The following MIR2052HG variants were observed in gnomAD, a reference collection of about 807,000 sequenced individuals.
MIR2052HG encodes MIR2052 host gene.
intron 5 of MIR2052HG, among the ~76,000 whole-genome samples, chr8:74,754,998 G>A (rs943754718): frequency 6.6e-6 from 1 of 152,074 alleles, no homozygotes; most frequent in Non-Finnish European, 1.5e-5. Context: ...TTCCACTTTT[G>A]GAGACAACTA....
chr8:74,674,911 A>G (rs961630487), intron 2 of MIR2052HG, among the ~76,000 whole-genome samples: 2 of 151,902 alleles, frequency 1.3e-5, no homozygotes, highest in Admixed American at 6.6e-5. Context: ...GGAACCTGTT[A>G]ATCATTTGTT....
chr8:74,753,805 C>G (rs906988461), intron 5 of MIR2052HG, among the ~76,000 whole-genome samples: 4 of 152,176 alleles, frequency 2.6e-5, no homozygotes, highest in Non-Finnish European at 4.4e-5. Context: ...CACCTCTTGT[C>G]TATTGACATA....
At chr8:74,735,005 A>G (rs1809731803) in intron 4 of MIR2052HG, among the ~76,000 whole-genome samples, 1 of 152,196 alleles carries the variant, frequency 6.6e-6, no homozygotes, top group Non-Finnish European at 1.5e-5. Flanking sequence ...AGAGGACCAT[A>G]AAGCCATTTG....
chr8:74,689,861 G>C (rs1474110344), intron 2 of MIR2052HG, among the ~76,000 whole-genome samples: 1 of 152,200 alleles, frequency 6.6e-6, no homozygotes, highest in African/African-American at 2.4e-5. Context: ...TCTGGGGATA[G>C]AGACATGAAG....
At chr8:74,697,792 A>G (rs960396712) in intron 2 of MIR2052HG, among the ~76,000 whole-genome samples, 1 of 152,082 alleles carries the variant, frequency 6.6e-6, no homozygotes, top group Admixed American at 6.6e-5. Context: ...GACTATACCT[A>G]ATCAAGGAGG....
At chr8:74,681,264 T>C (rs2128739076) in intron 2 of MIR2052HG, among the ~76,000 whole-genome samples, 1 of 152,188 alleles carries the variant, frequency 6.6e-6, no homozygotes, top group East Asian at 1.9e-4. Context: ...TTCTGCAAAT[T>C]GATCTTTAAA....
intron 1 of MIR2052HG, among the ~76,000 whole-genome samples, chr8:74,604,873 C>T (rs1808089272): frequency 6.6e-6 from 1 of 152,234 alleles, no homozygotes; most frequent in African/African-American, 2.4e-5. Flanking sequence ...GGATTACAGG[C>T]GTGAGCCACC....
intron 5 of MIR2052HG, among the ~76,000 whole-genome samples, chr8:74,753,108 G>A (rs760698906): frequency 2.0e-5 from 3 of 152,164 alleles, no homozygotes; most frequent in Non-Finnish European, 4.4e-5. Context: ...AGTTTACTAG[G>A]TTAGCTCTAC....
intron 4 of MIR2052HG, among the ~76,000 whole-genome samples, chr8:74,718,246 C>T (rs1215966767): frequency 1.3e-5 from 2 of 151,732 alleles, no homozygotes; most frequent in Non-Finnish European, 3.0e-5. Context: ...TTTAAGGAAA[C>T]ATATTAGTAA....
At chr8:74,643,864 A>G (rs979886001) in intron 2 of MIR2052HG, among the ~76,000 whole-genome samples, 2 of 152,200 alleles carry the variant, frequency 1.3e-5, no homozygotes, top group African/African-American at 2.4e-5. Context: ...ACAAGAAAAA[A>G]TAACAGAAAA....
chr8:74,618,858 C>T (rs1563514260), intron 2 of MIR2052HG, among the ~76,000 whole-genome samples: 2 of 152,166 alleles, frequency 1.3e-5, no homozygotes, highest in African/African-American at 4.8e-5. Context: ...TTAATTGTCT[C>T]TGTTTGTAGA....
intron 4 of MIR2052HG, among the ~76,000 whole-genome samples, chr8:74,752,146 G>A (rs910269291): frequency 2.0e-5 from 3 of 151,740 alleles, no homozygotes; most frequent in East Asian, 1.9e-4. Flanking sequence ...GCTGGGCATG[G>A]TGGCCTCTGC....
intron 4 of MIR2052HG, among the ~76,000 whole-genome samples, chr8:74,737,431 G>C (rs1211825593): frequency 6.6e-6 from 1 of 152,076 alleles, no homozygotes; most frequent in Non-Finnish European, 1.5e-5. Flanking sequence ...CCCTGCTTTC[G>C]ATCTTTTGTT....
intron 4 of MIR2052HG, among the ~76,000 whole-genome samples, chr8:74,746,776 G>A (rs1321959922): frequency 6.6e-6 from 1 of 152,010 alleles, no homozygotes; most frequent in Non-Finnish European, 1.5e-5. Flanking sequence ...TAGTTAAATT[G>A]TATTATGTTT....
chr8:74,674,297 T>C (rs890075225), intron 2 of MIR2052HG, among the ~76,000 whole-genome samples: 1 of 151,782 alleles, frequency 6.6e-6, no homozygotes, highest in African/African-American at 2.4e-5. Flanking sequence ...AGAACAACTA[T>C]ATAATTGCCA....
chr8:74,611,670 C>T (rs769628303), intron 1 of MIR2052HG, among the ~76,000 whole-genome samples: 4 of 152,108 alleles, frequency 2.6e-5, no homozygotes, highest in Non-Finnish European at 4.4e-5. Flanking sequence ...TTTGTAAGGA[C>T]ACTACGAACA....
intron 2 of MIR2052HG, among the ~76,000 whole-genome samples, chr8:74,614,052 A>G (rs1808241130): frequency 6.6e-6 from 1 of 152,348 alleles, no homozygotes; most frequent in East Asian, 1.9e-4. Context: ...TCAAAGTAAC[A>G]TAGAGGATTC....
chr8:74,608,406 T>C (rs914114295), intron 1 of MIR2052HG, among the ~76,000 whole-genome samples: 3 of 152,154 alleles, frequency 2.0e-5, no homozygotes, highest in African/African-American at 7.2e-5. Context: ...TACGATAAGA[T>C]GAAGAGAAAA....
intron 2 of MIR2052HG, among the ~76,000 whole-genome samples, chr8:74,672,222 C>T (rs1809001037): frequency 6.6e-6 from 1 of 152,038 alleles, no homozygotes; most frequent in Non-Finnish European, 1.5e-5. Flanking sequence ...ACAGCTGTTA[C>T]CTAACTTGAG....
Sources: allele counts gnomAD v4.1 joint callset (sites outside exome capture counted in the v4.1 genomes callset), GRCh38; gene constraint gnomAD v4.1.1; transcripts MANE v1.5; gene names NCBI Gene and HGNC (gene_info 2026-07-23, HGNC 2026-07-21).